PRKAR1A: variants seen among roughly 807,000 people sequenced by gnomAD.
PRKAR1A encodes the protein protein kinase cAMP-dependent type I regulatory subunit alpha.
A neutral mutation model predicts 52.0 loss-of-function variants in PRKAR1A; 3 were observed. The observed-to-expected ratio is 0.06, with a 90% CI of 0.03 to 0.15. The LOEUF is 0.15. Ranked by LOEUF, PRKAR1A falls within the 10% of genes least tolerant of loss-of-function variation. The pLI is 1.00. For synonymous variants in PRKAR1A, 188 were observed against 168.4 expected (o/e 1.12, Z -0.90); for missense variants, 240 against 477.4 (o/e 0.50, Z 4.63).
intron 11 of PRKAR1A, chr17:68,540,011 G>C: frequency 1.3e-6 from 2 of 1,542,004 alleles, no homozygotes; most frequent in Non-Finnish European, 9.0e-7. Context: ...AGGCCAGGGG[G>C]ACAGGTGCTC....
chr17:68,431,809 T>C, the PRKAR1A span, among the ~76,000 whole-genome samples: 11 of 10,534 alleles, frequency 1.0e-3, no homozygotes, highest in Admixed American at 0.011. Flanking sequence ...GAGGTTCTGC[T>C]CCTGGTCACC....
chr17:68,435,469 G>A, the PRKAR1A span: 7 of 747,878 alleles, frequency 9.4e-6, no homozygotes, highest in Non-Finnish European at 1.2e-5. Flanking sequence ...CACACATGCA[G>A]AGGCCAGAAA....
chr17:68,466,466 C>T, the PRKAR1A span, among the ~76,000 whole-genome samples: 1 of 138,518 alleles, frequency 7.2e-6, no homozygotes, highest in African/African-American at 2.8e-5. Context: ...GGCTGGAGTG[C>T]AGTGGTGCGA....
chr17:68,536,368 C>T (rs775538353), downstream of PRKAR1A: 13 of 453,862 alleles, frequency 2.9e-5, no homozygotes, highest in Admixed American at 9.4e-5. Context: ...TTTGTGTTTT[C>T]GGTCATTAAT....
intron 11 of PRKAR1A, among the ~76,000 whole-genome samples, chr17:68,546,876 C>T (rs1029723168): frequency 4.0e-5 from 6 of 151,508 alleles, no homozygotes; most frequent in Non-Finnish European, 8.8e-5. Flanking sequence ...TAGAATGACT[C>T]CTTGATCTGT....
intron 11 of PRKAR1A, chr17:68,541,919 AGTCCCTG>A: frequency 6.5e-7 from 1 of 1,531,876 alleles, no homozygotes; most frequent in Non-Finnish European, 8.8e-7. Flanking sequence ...GCTAGCAACA[AGTCCCTG>A]GTACAGGGTC....
chr17:68,503,846 A>G, the PRKAR1A span, among the ~76,000 whole-genome samples: 2 of 152,230 alleles, frequency 1.3e-5, no homozygotes, highest in African/African-American at 4.8e-5. Context: ...GAGGTATCAT[A>G]GCACCCCAGT....
the PRKAR1A span, among the ~76,000 whole-genome samples, chr17:68,433,760 G>GTTTTTTTTTTTTT: frequency 1.4e-4 from 10 of 72,822 alleles, 2 homozygotes; most frequent in African/African-American, 5.9e-4. Context: ...AAGGGTCATA[G>GTTTTTTTTTTTTT]TTTTTTTTTT....
the PRKAR1A span, among the ~76,000 whole-genome samples, chr17:68,472,599 G>C: frequency 3.3e-5 from 5 of 152,160 alleles, no homozygotes; most frequent in Non-Finnish European, 7.4e-5. Context: ...AGTGATGCGT[G>C]AGCATCACAC....
intron 11 of PRKAR1A, among the ~76,000 whole-genome samples, chr17:68,549,508 AAGTT>A (rs889877204): frequency 3.9e-5 from 6 of 152,002 alleles, no homozygotes; most frequent in East Asian, 1.9e-4. Context: ...AAAAAAAAAA[AAGTT>A]AGAGACATCC....
chr17:68,490,792 T>C, the PRKAR1A span, among the ~76,000 whole-genome samples: 9 of 152,298 alleles, frequency 5.9e-5, no homozygotes, highest in African/African-American at 2.2e-4. Flanking sequence ...GGTTCCAGAA[T>C]GAAGCAGTCT....
the PRKAR1A span, among the ~76,000 whole-genome samples, chr17:68,461,752 GGA>G: frequency 6.6e-6 from 1 of 152,184 alleles, no homozygotes. The surrounding 1 kb of genome is among the most constrained non-coding windows in gnomAD (Gnocchi z 4.6). Context: ...GAGCCAAGAG[GGA>G]GAGGGAGGGA....
chr17:68,502,930 T>C, the PRKAR1A span, among the ~76,000 whole-genome samples: 1 of 152,020 alleles, frequency 6.6e-6, no homozygotes, highest in African/African-American at 2.4e-5. Context: ...ATCATACAAG[T>C]TAGTCTAATA....
chr17:68,507,395 G>A (rs1421394271), upstream of PRKAR1A, among the ~76,000 whole-genome samples: 1 of 152,164 alleles, frequency 6.6e-6, no homozygotes, highest in Non-Finnish European at 1.5e-5. Context: ...AACTAACACA[G>A]GAACAGAAAA....
the PRKAR1A span, among the ~76,000 whole-genome samples, chr17:68,426,777 C>T: frequency 2.0e-5 from 3 of 152,186 alleles, no homozygotes; most frequent in African/African-American, 4.8e-5. Context: ...TCCAGTGATC[C>T]GCTGGCCTCA....
At chr17:68,461,058 C>T in the PRKAR1A span, among the ~76,000 whole-genome samples, 57 of 152,312 alleles carry the variant, frequency 3.7e-4, 1 homozygote, top group Non-Finnish European at 3.1e-4. The surrounding 1 kb of genome is among the most constrained non-coding windows in gnomAD (Gnocchi z 4.6). Flanking sequence ...ACAGCAATTT[C>T]ACTACTAAAT....
chr17:68,546,325 A>G (rs1210003548), intron 11 of PRKAR1A, among the ~76,000 whole-genome samples: 1 of 151,658 alleles, frequency 6.6e-6, no homozygotes, highest in Non-Finnish European at 1.5e-5. Context: ...GAAGTCTTGA[A>G]CCCCTCAAAG....
the PRKAR1A span, among the ~76,000 whole-genome samples, chr17:68,417,209 G>C: frequency 5.3e-5 from 8 of 152,174 alleles, no homozygotes; most frequent in African/African-American, 1.9e-4. Context: ...GGAACAGCTA[G>C]AGTGGCTAGA....
chr17:68,487,411 T>C, the PRKAR1A span, among the ~76,000 whole-genome samples: 4 of 152,228 alleles, frequency 2.6e-5, no homozygotes, highest in Non-Finnish European at 5.9e-5. Context: ...ATGGTATATA[T>C]TGAGAGGCAT....
Sources: allele counts gnomAD v4.1 joint callset (sites outside exome capture counted in the v4.1 genomes callset), GRCh38; gene constraint gnomAD v4.1.1; non-coding constraint Gnocchi (gnomAD v3.1); transcripts MANE v1.5; gene names NCBI Gene and HGNC (gene_info 2026-07-23, HGNC 2026-07-21).